The following RALGPS1 variants were observed in gnomAD, a reference collection of about 807,000 sequenced individuals.
RALGPS1 encodes the protein Ral GEF with PH domain and SH3 binding motif 1, also known as ras-specific guanine nucleotide-releasing factor RalGPS1.
In RALGPS1, 19 loss-of-function variants were observed where a neutral mutation model predicts 78.8. The ratio of observed to expected loss-of-function variants is 0.24; its 90% confidence interval spans 0.17 to 0.35. RALGPS1 has a LOEUF of 0.35. RALGPS1 is among the 10% of genes least tolerant of loss of function. The probability of loss-of-function intolerance (pLI) is 1.00; values close to 1 mark genes in which losing one functional copy is unlikely to be tolerated. For missense variants in RALGPS1, 454 were observed against 688.3 expected (o/e 0.66, Z 3.81); for synonymous variants, 228 against 256.3 (o/e 0.89, Z 1.06).
intron 6 of RALGPS1, 117 bp from the exon 7 acceptor site, chr9:127,052,730 A>G (rs774836251): frequency 4.9e-5 from 33 of 679,990 alleles, no homozygotes; most frequent in Non-Finnish European, 7.9e-5. Context: ...TGTTTTCCAC[A>G]TGAGATATTT....
Position 127,048,834 on chromosome 9 carries a change from G to A in RALGPS1, c.301-1209G>A, listed in dbSNP as rs117262905. Among the ~76,000 whole-genome samples the A allele has an allele frequency of 1.4e-3, 207 of 152,160 alleles. 3 individuals are homozygous for A. In the East Asian group the frequency reaches 0.035, roughly 26 times the overall value. ...GAGCTTAATTGTGGGCAATTCCTTG[G>A]AAAAAAATGATTCTATGGAAACCCA... On this transcript the variant is annotated intron_variant, in intron 5 of 18. Transcript: ENST00000259351.
chr9:127,126,425 T>C (rs890295258), intron 8 of RALGPS1, among the ~76,000 whole-genome samples: 1 of 152,228 alleles, frequency 6.6e-6, no homozygotes, highest in Non-Finnish European at 1.5e-5. Flanking sequence ...AATTTGGGGA[T>C]ATGGGGAGAA....
At chr9:127,163,141 G>A (rs1222040374) in intron 8 of RALGPS1, among the ~76,000 whole-genome samples, 1 of 152,148 alleles carries the variant, frequency 6.6e-6, no homozygotes, top group Admixed American at 6.5e-5. Context: ...CAGCTGGGCC[G>A]AAGTCTGCAC....
intron 8 of RALGPS1, among the ~76,000 whole-genome samples, chr9:127,162,653 G>A (rs1374436399): frequency 6.6e-6 from 1 of 152,132 alleles, no homozygotes; most frequent in African/African-American, 2.4e-5. Context: ...GGGTCTTGAG[G>A]AGTAGGCAGG....
rs375319048 is a variant in RALGPS1, at chr9:127,218,611, C to T, written c.1645-129C>T. On this transcript the variant is annotated intron_variant, in intron 18 of 18. Transcript: ENST00000259351. The surrounding 1 kb of genome is among the most constrained non-coding windows in gnomAD (Gnocchi z 4.4). The stretch of plus-strand genomic sequence containing the variant: ...TGGGGTGGCTATTGTTATTGCCATA[C>T]CCTCTCCCTACCCAACCTGCTCATT... The T allele has an allele frequency of 9.5e-6, 9 of 949,556 alleles. No homozygotes were observed. The highest frequency in any genetic ancestry group is 8.1e-5 in the African/African-American group (5 of 62,060). 58.8% of individuals were successfully genotyped at this position (949,556 alleles called of 1,614,324 possible).
chr9:126,942,016 G>A (rs1588549419), intron 1 of RALGPS1, among the ~76,000 whole-genome samples: 1 of 152,188 alleles, frequency 6.6e-6, no homozygotes. Context: ...TAAGAAAGAT[G>A]CTGCTCTTAG....
intron 8 of RALGPS1, among the ~76,000 whole-genome samples, chr9:127,102,186 T>G (rs1357999922): frequency 6.6e-6 from 1 of 152,212 alleles, no homozygotes; most frequent in Non-Finnish European, 1.5e-5. Flanking sequence ...AGACTGAACA[T>G]AGTCCATTTT....
At chr9:127,070,196 C>T (rs904867641) in intron 8 of RALGPS1, among the ~76,000 whole-genome samples, 3 of 152,094 alleles carry the variant, frequency 2.0e-5, no homozygotes, top group Non-Finnish European at 4.4e-5. Context: ...GTAGGGTTCG[C>T]GCTCCTATGA....
At chr9:127,002,449 T>TC (rs1491514529) in intron 4 of RALGPS1, among the ~76,000 whole-genome samples, 50 of 77,242 alleles carry the variant, frequency 6.5e-4, no homozygotes, top group African/African-American at 1.3e-3. Context: ...TTTTTTTTTC[T>TC]TTTTTTTTTA....
chr9:127,120,700 C>T (rs1335685972), intron 8 of RALGPS1, among the ~76,000 whole-genome samples: 2 of 152,110 alleles, frequency 1.3e-5, no homozygotes, highest in Non-Finnish European at 2.9e-5. Context: ...TGGTGGTGGG[C>T]ACCTGTAGCC....
intron 8 of RALGPS1, chr9:127,093,988 T>C (rs1010668293): frequency 8.3e-6 from 13 of 1,564,128 alleles, no homozygotes; most frequent in Admixed American, 5.1e-5. Context: ...CACCCCCAGC[T>C]GCACCCCAAG....
At chr9:126,977,520 A>G (rs908303785) in intron 3 of RALGPS1, among the ~76,000 whole-genome samples, 175 bp from the exon 4 acceptor site, 2 of 151,654 alleles carry the variant, frequency 1.3e-5, no homozygotes, top group Non-Finnish European at 2.9e-5. Context: ...GAAGCGGGGG[A>G]AGGGATGGGA....
rs915518961 is a variant in RALGPS1, at chr9:127,180,747, A to C, written c.910+5965A>C. The stretch of plus-strand genomic sequence containing the variant: ...TGCTGTCACTCACGAGCCACCCCAG[A>C]ACCTAAGGGCATGAAACAACCATTT... On this transcript the variant is annotated intron_variant, in intron 11 of 18. Transcript: ENST00000259351. 4.6e-5 allele frequency among the ~76,000 whole-genome samples: 7 copies of C among 152,338 alleles called. No homozygotes were observed. In the East Asian group the frequency reaches 1.2e-3, roughly 25 times the overall value.
chr9:127,040,946 G>T (rs1490312851), intron 5 of RALGPS1, among the ~76,000 whole-genome samples: 2 of 151,196 alleles, frequency 1.3e-5, no homozygotes, highest in East Asian at 3.9e-4. Flanking sequence ...TCCATGGTTT[G>T]TTCATCCATT....
intron 1 of RALGPS1, among the ~76,000 whole-genome samples, chr9:126,930,978 T>C (rs966382221): frequency 1.3e-5 from 2 of 152,172 alleles, no homozygotes; most frequent in Non-Finnish European, 2.9e-5. Context: ...AAATGCAAAA[T>C]AACAAAGACA....
chr9:127,126,473 A>G (rs924815373), intron 8 of RALGPS1, among the ~76,000 whole-genome samples: 4 of 152,044 alleles, frequency 2.6e-5, no homozygotes, highest in African/African-American at 7.2e-5. Context: ...ATGCTCAATT[A>G]TCTCTCCCCT....
At chr9:127,200,145 T>C (rs749845094) in intron 14 of RALGPS1, among the ~76,000 whole-genome samples, 14 of 151,984 alleles carry the variant, frequency 9.2e-5, no homozygotes, top group Admixed American at 6.6e-4. Flanking sequence ...TAAACACTCA[T>C]ATGCATACAC....
At position 127,205,055 on chromosome 9, in the gene RALGPS1, C is replaced by A. The variant is rs2061858087; in HGVS notation, c.1247+5989C>A. 1.3e-5 allele frequency among the ~76,000 whole-genome samples: 2 copies of A among 152,252 alleles called. No homozygotes were observed. Among genetic ancestry groups the A allele is most frequent in the Non-Finnish European group, 2.9e-5 (2 of 68,050 alleles). On this transcript the variant is annotated intron_variant, in intron 14 of 18. Coordinates refer to ENST00000259351, the MANE Select transcript of RALGPS1 (RefSeq NM_014636.3). This position sits in a 1 kb window ranked among gnomAD's most constrained non-coding sequence, Gnocchi z 4.0. ...TACCGCAGAGGACCTCACTGTCCCC[C>A]ACACCTGTGGCTGAGGCCAGGATCC...
chr9:127,203,487 G>A (rs1309172965), intron 14 of RALGPS1, among the ~76,000 whole-genome samples: 2 of 152,098 alleles, frequency 1.3e-5, no homozygotes, highest in Non-Finnish European at 2.9e-5. Flanking sequence ...GGCACAGGCT[G>A]TAATACAGGT....
Sources: allele counts gnomAD v4.1 joint callset (sites outside exome capture counted in the v4.1 genomes callset), GRCh38; gene constraint gnomAD v4.1.1; non-coding constraint Gnocchi (gnomAD v3.1); transcripts MANE v1.5; gene names NCBI Gene and HGNC (gene_info 2026-07-23, HGNC 2026-07-21).